The following CNOT8 variants were observed in gnomAD, a reference collection of about 807,000 sequenced individuals.
CNOT8 encodes the protein CCR4-NOT transcription complex subunit 8.
A neutral mutation model predicts 34.6 loss-of-function variants in CNOT8; 18 were observed. That is an observed-to-expected ratio of 0.52 (90% confidence interval 0.36 to 0.77). CNOT8 has a LOEUF of 0.77. CNOT8 is among the 30% of genes least tolerant of loss of function. The pLI, the probability that CNOT8 is intolerant of heterozygous loss-of-function variation, is 0.00. For missense variants in CNOT8, 189 were observed against 347.9 expected (o/e 0.54, Z 3.63); for synonymous variants, 101 against 118.8 (o/e 0.85, Z 0.98).
rs761360552 is a variant in CNOT8 at position 154,870,732 on chromosome 5, A to C, written c.383A>C (p.Glu128Ala). 2.5e-6 allele frequency: 4 copies of C among 1,613,954 alleles called. No individual in the cohort carries two copies. In the Admixed American group the frequency reaches 6.7e-5, roughly 27 times the overall value. The change falls in exon 4 of 7, where the codon GAG (glutamate) becomes GCG (alanine). Residue 128 changes from glutamate (E) to alanine (A), a missense_variant. Glu to Ala is a moderately radical substitution (Grantham distance 107). Transcript: ENST00000285896. Reference sequence around the variant, plus strand: ...GGACTACAGTTTCAGAAGCATGAAGAGGAAGGGATTGACACACTGCACTTT... The same window carrying C: ...GGACTACAGTTTCAGAAGCATGAAGCGGAAGGGATTGACACACTGCACTTT... ...NSGLQFQKHE[E>A]EGIDTLHFAE...
chr5:154,862,943 G>GT (rs1761488062), intron 1 of CNOT8, among the ~76,000 whole-genome samples: 1 of 152,198 alleles, frequency 6.6e-6, no homozygotes, highest in Non-Finnish European at 1.5e-5. Flanking sequence ...AACTAGGGTA[G>GT]TGGTTTCACT....
In CNOT8 at chr5:154,872,633, T is replaced by C. The variant is rs1762585312; in HGVS notation, c.711T>C (p.Ala237=). 1 of 1,612,126 alleles carries C rather than the reference T, an allele frequency of 6.2e-7. No individual in the cohort carries two copies. Among genetic ancestry groups the C allele is most frequent in the Non-Finnish European group, 8.5e-7 (1 of 1,178,626 alleles). The change falls in exon 6 of 7, where the codon GCT becomes GCC. Residue 237 remains alanine, a synonymous_variant. Transcript: ENST00000285896. ...AGSDSLLTGM[A]FFRMKELFFE... ...CAGACTCACTGCTGACAGGAATGGC[T>C]TTCTTTAGGATGAAAGAGGTAAGCT... is the stretch of plus-strand genomic sequence containing the variant.
intron 1 of CNOT8, chr5:154,859,030 A>G (rs1177860688): frequency 6.6e-6 from 1 of 152,196 alleles, no homozygotes; most frequent in African/African-American, 2.4e-5. Flanking sequence ...GCGTACTGTT[A>G]TCAAACCCAT....
chr5:154,860,441 G>A (rs1761222721), intron 1 of CNOT8, among the ~76,000 whole-genome samples: 1 of 151,970 alleles, frequency 6.6e-6, no homozygotes, highest in South Asian at 2.1e-4. Context: ...TGAGTAGCTG[G>A]GACTGCAGGC....
intron 6 of CNOT8, 91 bp from the exon 7 acceptor site, chr5:154,875,199 G>A (rs1762834728): frequency 7.1e-7 from 1 of 1,409,558 alleles, no homozygotes; most frequent in African/African-American, 1.4e-5. Flanking sequence ...TTCCAGACGT[G>A]AGCCATTGCA....
Position 154,875,680 on chromosome 5 carries a change from T to C in CNOT8, c.*241T>C, listed in dbSNP as rs1221950762. 2 of 406,542 alleles carry C rather than the reference T, an allele frequency of 4.9e-6. No homozygotes were observed. The highest frequency in any genetic ancestry group is 8.8e-6 in the Non-Finnish European group (2 of 227,604). 25.2% of individuals were successfully genotyped at this position (406,542 alleles called of 1,614,324 possible). A position where few individuals can be genotyped will look rare whatever the true frequency, so the allele number is the denominator to read the frequency against. On this transcript the variant is annotated 3_prime_UTR_variant, in exon 7 of 7. Coordinates refer to ENST00000285896, the MANE Select transcript of CNOT8 (RefSeq NM_001301073.2). ...CCATTCCTCATACTCGAGCCTCTCC[T>C]CTCTGGTTGCCTCCTGCCACCAGCA... is the stretch of plus-strand genomic sequence containing the variant.
intron 3 of CNOT8, among the ~76,000 whole-genome samples, chr5:154,868,792 C>G (rs1164015201): frequency 6.6e-6 from 1 of 152,216 alleles, no homozygotes; most frequent in Admixed American, 6.5e-5. Flanking sequence ...TCTGGGCTTC[C>G]TACGCCACTT....
intron 3 of CNOT8, among the ~76,000 whole-genome samples, chr5:154,869,588 G>A (rs903568418): frequency 2.0e-5 from 3 of 151,090 alleles, no homozygotes; most frequent in African/African-American, 7.3e-5. Flanking sequence ...GGGATTCAGG[G>A]GCATGCCACC....
intron 6 of CNOT8, among the ~76,000 whole-genome samples, chr5:154,874,329 C>T (rs907241384): frequency 1.3e-5 from 2 of 152,028 alleles, no homozygotes; most frequent in African/African-American, 4.8e-5. Context: ...GTAATCCCAG[C>T]ACTTTGGGAG....
At chr5:154,870,503 C>T in intron 3 of CNOT8, 158 bp from the exon 4 acceptor site, 2 of 538,342 alleles carry the variant, frequency 3.7e-6, no homozygotes, top group Non-Finnish European at 6.5e-6. Flanking sequence ...ATCTACTTTG[C>T]ATGCTTGTTT....
chr5:154,862,357 C>A (rs1157456431), intron 1 of CNOT8, among the ~76,000 whole-genome samples: 1 of 152,032 alleles, frequency 6.6e-6, no homozygotes, highest in East Asian at 1.9e-4. Flanking sequence ...ATAGTCCCAG[C>A]TACTTGGGTG....
chr5:154,867,859 G>A (rs1221799692), intron 3 of CNOT8: 2 of 160,884 alleles, frequency 1.2e-5, no homozygotes, highest in African/African-American at 4.8e-5. Context: ...TTGTAAGTCT[G>A]TACAAAGAAG....
rs1056756209 is a variant in CNOT8, at chr5:154,876,159, T to G, written c.*720T>G. ...TTAAGTCTGTGTTCCATTGTGCCAT[T>G]CAGGTTTGCTGTCACATATGCATCA... On this transcript the variant is annotated 3_prime_UTR_variant, in exon 7 of 7. Transcript: ENST00000285896. 2 of 152,276 alleles carry G rather than the reference T, an allele frequency of 1.3e-5. No homozygotes were observed. Among genetic ancestry groups the G allele is most frequent in the African/African-American group, 4.8e-5 (2 of 41,478 alleles). The allele number at this position is 152,276 out of a possible 1,614,324, so 9.4% of individuals were successfully genotyped here.
At chr5:154,868,001 A>G (rs371722349) in intron 3 of CNOT8, among the ~76,000 whole-genome samples, 1 of 152,134 alleles carries the variant, frequency 6.6e-6, no homozygotes, top group Admixed American at 6.5e-5. Flanking sequence ...CAGTGGCACA[A>G]TCTCAGCTCA....
At chr5:154,869,807 TAG>T (rs1179110461) in intron 3 of CNOT8, among the ~76,000 whole-genome samples, 1 of 152,058 alleles carries the variant, frequency 6.6e-6, no homozygotes, top group East Asian at 1.9e-4. Context: ...GTGTTTTTAG[TAG>T]AGAGAGGGTT....
chr5:154,862,771 T>A lies in CNOT8; in HGVS notation c.-72-436T>A, dbSNP rs1440356874. Among the ~76,000 whole-genome samples, 4 of 152,200 alleles carry A rather than the reference T, an allele frequency of 2.6e-5. No homozygotes were observed. The East Asian group carries it at 7.7e-4, about 29-fold the overall frequency. On this transcript the variant is annotated intron_variant, in intron 1 of 6. Coordinates refer to ENST00000285896, the MANE Select transcript of CNOT8 (RefSeq NM_001301073.2). ...AGTGTGAGAGTTTAGGTCCACATTCTTTCAGGTTTTCAGAGATCTCAGGTA... is the reference window on the plus strand; with the variant it reads ...AGTGTGAGAGTTTAGGTCCACATTCATTCAGGTTTTCAGAGATCTCAGGTA...
At chr5:154,870,502 G>T in intron 3 of CNOT8, 159 bp from the exon 4 acceptor site, 1 of 535,478 alleles carries the variant, frequency 1.9e-6, no homozygotes, top group Non-Finnish European at 3.3e-6. Context: ...GATCTACTTT[G>T]CATGCTTGTT....
intron 2 of CNOT8, among the ~76,000 whole-genome samples, chr5:154,864,457 CAAA>C (rs561425093): frequency 7.4e-6 from 1 of 134,512 alleles, no homozygotes. Flanking sequence ...GACTCCGTCC[CAAA>C]AAAAAAAAAG....
intron 1 of CNOT8, 131 bp downstream of exon 1, chr5:154,858,899 C>T (rs1761057021): frequency 6.6e-6 from 1 of 152,112 alleles, no homozygotes; most frequent in Non-Finnish European, 1.5e-5. Context: ...GAGAGGAACC[C>T]CAGCAAAGAG....
Sources: allele counts gnomAD v4.1 joint callset (sites outside exome capture counted in the v4.1 genomes callset), GRCh38; gene constraint gnomAD v4.1.1; transcripts MANE v1.5; gene names NCBI Gene and HGNC (gene_info 2026-07-23, HGNC 2026-07-21).